The following SGSM1 variants were observed in gnomAD, a reference collection of about 807,000 sequenced individuals.
SGSM1 encodes the protein small G protein signaling modulator 1.
SGSM1 carries 73 observed loss-of-function variants against 133.8 expected under a neutral mutation model. That is an observed-to-expected ratio of 0.55 (90% CI 0.45 to 0.66). The LOEUF (loss-of-function observed/expected upper bound fraction) is 0.66, where lower values mean the gene tolerates loss of function less well. Ranked by LOEUF, SGSM1 falls within the 30% of genes least tolerant of loss-of-function variation. The pLI is 0.00. For missense variants in SGSM1, 1,213 were observed against 1,448.1 expected, an observed-to-expected ratio of 0.84 and a Z score of 2.64; for synonymous variants, 563 against 573.0, an observed-to-expected ratio of 0.98 and a Z score of 0.25.
At chr22:24,889,110 C>T (rs374752425) in intron 16 of SGSM1, among the ~76,000 whole-genome samples, 94 of 151,622 alleles carry the variant, frequency 6.2e-4, no homozygotes, top group East Asian at 2.8e-3. Flanking sequence ...TACAGGCGCC[C>T]GACACCACGC....
chr22:24,846,194 A>G (rs544113545), intron 3 of SGSM1, among the ~76,000 whole-genome samples: 1 of 151,696 alleles, frequency 6.6e-6, no homozygotes, highest in African/African-American at 2.4e-5. Context: ...ATGTGCCACC[A>G]TACCTGGCTA....
intron 17 of SGSM1, among the ~76,000 whole-genome samples, chr22:24,893,825 G>C (rs942013156): frequency 6.6e-6 from 1 of 152,186 alleles, no homozygotes. Flanking sequence ...TTCCCTACCA[G>C]TACCTTTTCT....
At chr22:24,892,030 G>C (rs141599688) in intron 16 of SGSM1, among the ~76,000 whole-genome samples, 22 of 152,254 alleles carry the variant, frequency 1.4e-4, no homozygotes, top group African/African-American at 4.8e-4. Context: ...GAGGAAACAA[G>C]GATCACGACT....
At chr22:24,903,975 CAAAAAG>C (rs200149954) in intron 20 of SGSM1, among the ~76,000 whole-genome samples, 26,302 of 89,574 alleles carry the variant, frequency 0.29, 2,348 homozygotes, top group East Asian at 0.47. Flanking sequence ...TCTGTCTCAA[CAAAAAG>C]AAAAAAAAAA....
At chr22:24,900,928 G>C (rs1447518589) in intron 19 of SGSM1, among the ~76,000 whole-genome samples, 1 of 152,076 alleles carries the variant, frequency 6.6e-6, no homozygotes, top group African/African-American at 2.4e-5. Context: ...CTCAAGAGAG[G>C]GGTTTTCTTC....
At chr22:24,872,065 G>A (rs1931792215) in intron 12 of SGSM1, among the ~76,000 whole-genome samples, 1 of 152,174 alleles carries the variant, frequency 6.6e-6, no homozygotes, top group Admixed American at 6.5e-5. Flanking sequence ...TCATGCCACA[G>A]CAGCGGAGGT....
At chr22:24,874,695 G>T in intron 12 of SGSM1, 1 of 1,332,138 alleles carries the variant, frequency 7.5e-7, no homozygotes, top group Non-Finnish European at 1.0e-6. Context: ...GGAGGCAGAG[G>T]GATTGATGCC....
intron 13 of SGSM1, among the ~76,000 whole-genome samples, chr22:24,878,118 T>C (rs1932124637): frequency 1.3e-5 from 2 of 152,086 alleles, no homozygotes; most frequent in Non-Finnish European, 2.9e-5. Flanking sequence ...GCCTGGAGAT[T>C]CTCTTATCAT....
At chr22:24,907,706 C>T (rs1030381401) in intron 21 of SGSM1, among the ~76,000 whole-genome samples, 7 of 151,740 alleles carry the variant, frequency 4.6e-5, no homozygotes, top group South Asian at 4.2e-4. Flanking sequence ...GGGCAGATCA[C>T]GAGGTCAGGA....
chr22:24,820,131 G>T (rs1417191847), intron 2 of SGSM1, among the ~76,000 whole-genome samples: 1 of 152,194 alleles, frequency 6.6e-6, no homozygotes, highest in African/African-American at 2.4e-5. Flanking sequence ...GGGGATAGAA[G>T]GAGGCTGGGG....
At chr22:24,890,822 G>A (rs756885291) in intron 16 of SGSM1, among the ~76,000 whole-genome samples, 14 of 152,206 alleles carry the variant, frequency 9.2e-5, no homozygotes, top group Non-Finnish European at 1.6e-4. Context: ...GATTACAGGC[G>A]TGAGCCAACT....
chr22:24,912,450 A>G (rs1933662362), intron 21 of SGSM1, among the ~76,000 whole-genome samples, 193 bp from the exon 22 acceptor site: 1 of 152,172 alleles, frequency 6.6e-6, no homozygotes, highest in Non-Finnish European at 1.5e-5. Context: ...AGGCCAAGGC[A>G]GGCAGATCAC....
intron 13 of SGSM1, among the ~76,000 whole-genome samples, chr22:24,877,145 A>G (rs1355257230): frequency 1.3e-5 from 2 of 152,204 alleles, no homozygotes; most frequent in Non-Finnish European, 2.9e-5. Flanking sequence ...CACATGTCAT[A>G]TCCACTCACA....
chr22:24,847,291 C>T (rs1390162255), intron 3 of SGSM1, among the ~76,000 whole-genome samples: 1 of 152,190 alleles, frequency 6.6e-6, no homozygotes, highest in South Asian at 2.1e-4. Flanking sequence ...TCTCCTTGCA[C>T]GTAGCATAAC....
intron 8 of SGSM1, among the ~76,000 whole-genome samples, chr22:24,859,299 T>C (rs1439318467): frequency 6.6e-6 from 1 of 152,104 alleles, no homozygotes; most frequent in Non-Finnish European, 1.5e-5. Flanking sequence ...GTATTGTCTC[T>C]AGGAAGGGCC....
intron 12 of SGSM1, among the ~76,000 whole-genome samples, chr22:24,869,530 G>A (rs1479913869): frequency 6.6e-6 from 1 of 152,074 alleles, no homozygotes; most frequent in African/African-American, 2.4e-5. Context: ...CAAAATAAAT[G>A]CAAATTAAAA....
intron 16 of SGSM1, among the ~76,000 whole-genome samples, chr22:24,888,984 CAG>C (rs1339291419): frequency 1.8e-5 from 2 of 112,680 alleles, no homozygotes; most frequent in Non-Finnish European, 3.3e-5. Context: ...GTCTGTCTGT[CAG>C]AGTCTTGCTC....
Position 24,893,575 on chromosome 22 carries a change from C to T in SGSM1, c.1915C>T (p.His639Tyr), listed in dbSNP as rs1569166914. 1.3e-6 allele frequency: 2 copies of T among 1,592,832 alleles called. No individual in the cohort carries two copies. Among genetic ancestry groups the T allele is most frequent in the East Asian group, 4.5e-5 (2 of 44,746 alleles). Residue 639 changes from histidine to tyrosine, a missense_variant, in exon 17 of 25, where the codon CAC becomes TAC. Transcript: ENST00000400358. ...SSGASLDSHL[H>Y]RMLHRDSTIS... ...CGGGGCCAGCTTGGACAGCCACCTG[C>T]ACCGGATGTTGCACAGGGACTCAAC... is the stretch of plus-strand genomic sequence containing the variant.
chr22:24,845,926 C>CT (rs1555924194), intron 3 of SGSM1, among the ~76,000 whole-genome samples: 70 of 147,108 alleles, frequency 4.8e-4, no homozygotes, highest in African/African-American at 1.6e-3. Flanking sequence ...TGGGCAAGAT[C>CT]TTTCTTTTCT....
Sources: gnomAD v4.1 joint callset for allele counts (sites outside exome capture counted in the v4.1 genomes callset) on GRCh38, gnomAD v4.1.1 for gene constraint, MANE v1.5 for transcripts, NCBI Gene and HGNC (gene_info 2026-07-23, HGNC 2026-07-21) for gene names.